NBAS: variants seen among roughly 807,000 people sequenced by gnomAD.
NBAS encodes NAG/BC035112 fusion.
A neutral mutation model predicts 302.5 loss-of-function variants in NBAS; 219 were observed. The observed-to-expected ratio is 0.72, with a 90% CI of 0.65 to 0.81. The LOEUF is 0.81. NBAS is among the 30% of genes least tolerant of loss of function. The pLI is 0.00. For synonymous variants in NBAS, 1,118 were observed against 1,021.6 expected, an observed-to-expected ratio of 1.09 and a Z score of -1.80; for missense variants, 2,932 against 2,841.6, an observed-to-expected ratio of 1.03 and a Z score of -0.72.
intron 1 of NBAS, among the ~76,000 whole-genome samples, chr2:15,559,498 G>T (rs920659048): frequency 6.6e-6 from 1 of 152,218 alleles, no homozygotes; most frequent in Non-Finnish European, 1.5e-5. Context: ...GTCAAGAAAA[G>T]CACAATGGAC....
chr2:15,192,318 T>C (rs1370732151), intron 48 of NBAS, among the ~76,000 whole-genome samples: 3 of 152,006 alleles, frequency 2.0e-5, no homozygotes, highest in Non-Finnish European at 4.4e-5. Flanking sequence ...TAAGTACTTA[T>C]TGAGTGAATT....
At chr2:15,105,623 C>T in the NBAS span, among the ~76,000 whole-genome samples, 1 of 152,020 alleles carries the variant, frequency 6.6e-6, no homozygotes, top group Admixed American at 6.6e-5. Flanking sequence ...CAGAGCTCCC[C>T]GTGTGCCTGA....
intron 9 of NBAS, 118 bp from the exon 10 acceptor site, chr2:15,511,468 T>C (rs1046404943): frequency 1.2e-6 from 1 of 869,348 alleles, no homozygotes; most frequent in Non-Finnish European, 1.8e-6. Flanking sequence ...TTAATATATG[T>C]TAAACCTAGA....
the NBAS span, among the ~76,000 whole-genome samples, chr2:14,998,574 G>A: frequency 1.3e-5 from 2 of 152,184 alleles, no homozygotes; most frequent in Non-Finnish European, 2.9e-5. Context: ...TGTACAAATT[G>A]GGGGAAACAG....
the NBAS span, among the ~76,000 whole-genome samples, chr2:14,830,796 G>T: frequency 7.1e-3 from 1,080 of 152,284 alleles, 21 homozygotes; most frequent in African/African-American, 0.024. Flanking sequence ...AAGGGCTAAG[G>T]TTTAGTTTTT....
At chr2:15,249,042 G>GATGTTTGCC (rs1668236723) in intron 44 of NBAS, among the ~76,000 whole-genome samples, 1 of 152,150 alleles carries the variant, frequency 6.6e-6, no homozygotes, top group Non-Finnish European at 1.5e-5. Flanking sequence ...TATCCCTGAT[G>GATGTTTGCC]AACATCGATG....
At chr2:15,512,852 A>C (rs1239225867) in intron 9 of NBAS, among the ~76,000 whole-genome samples, 1 of 152,170 alleles carries the variant, frequency 6.6e-6, no homozygotes, top group Non-Finnish European at 1.5e-5. Context: ...AGTTTGTGTT[A>C]TGTCACCAAG....
At chr2:15,226,695 CT>C (rs1453432953) in intron 47 of NBAS, among the ~76,000 whole-genome samples, 1 of 152,094 alleles carries the variant, frequency 6.6e-6, no homozygotes, top group Non-Finnish European at 1.5e-5. Flanking sequence ...GGTGGCCTGT[CT>C]AGGTGTTATA....
At chr2:15,283,365 C>G (rs145369641) in intron 42 of NBAS, among the ~76,000 whole-genome samples, 1 of 152,114 alleles carries the variant, frequency 6.6e-6, no homozygotes, top group African/African-American at 2.4e-5. Context: ...ATAATCCCCA[C>G]GTGTTGTGGG....
At chr2:14,995,946 T>C in the NBAS span, among the ~76,000 whole-genome samples, 37 of 151,158 alleles carry the variant, frequency 2.4e-4, no homozygotes, top group African/African-American at 9.0e-4. Flanking sequence ...TGCTCCCCTC[T>C]TCCCCCCAAC....
intron 50 of NBAS, among the ~76,000 whole-genome samples, chr2:15,182,283 C>T (rs1664863800): frequency 6.6e-6 from 1 of 152,200 alleles, no homozygotes; most frequent in Admixed American, 6.5e-5. Flanking sequence ...ATATACTTTG[C>T]TTTGAAATGC....
the NBAS span, among the ~76,000 whole-genome samples, chr2:15,122,010 T>A: frequency 1.3e-5 from 2 of 152,176 alleles, no homozygotes; most frequent in African/African-American, 2.4e-5. Context: ...GTGGTTAAGA[T>A]CTTTTGCTCT....
In NBAS at chr2:15,402,238, T is replaced by C; in HGVS notation, c.3001A>G (p.Thr1001Ala). 1.2e-6 allele frequency: 2 copies of C among 1,613,640 alleles called. No homozygotes were observed. Among genetic ancestry groups the C allele is most frequent in the Non-Finnish European group, 1.7e-6 (2 of 1,179,658 alleles). ...LMAIALECIYTCERNDQLCLC... is the reference protein window; with the variant it reads ...LMAIALECIYACERNDQLCLC... ...CAGAGTTGATCATTTCGTTCACAGG[T>C]ATAGATGCACTCTAGTGCTATTGCC... Residue 1001 changes from threonine (T) to alanine (A), a missense_variant, in exon 26 of 52, where the codon ACC becomes GCC. Coordinates refer to ENST00000281513, the MANE Select transcript of NBAS (RefSeq NM_015909.4).
intron 51 of NBAS, among the ~76,000 whole-genome samples, chr2:15,174,280 C>T (rs1001610405): frequency 6.6e-6 from 1 of 152,338 alleles, no homozygotes; most frequent in South Asian, 2.1e-4. Flanking sequence ...AGCTTGGACA[C>T]TGGCCACTGT....
the NBAS span, among the ~76,000 whole-genome samples, chr2:14,873,106 A>T: frequency 2.6e-5 from 4 of 152,218 alleles, no homozygotes; most frequent in Admixed American, 6.5e-5. Flanking sequence ...CCCCACCCAC[A>T]TCCTGCTGAT....
chr2:15,422,970 A>C (rs1005681244), intron 23 of NBAS, among the ~76,000 whole-genome samples: 1 of 152,222 alleles, frequency 6.6e-6, no homozygotes, highest in African/African-American at 2.4e-5. Flanking sequence ...CAAAACTCCT[A>C]TAACTCATAC....
At position 15,528,885 on chromosome 2, in the gene NBAS, A is replaced by ATATATATATATATGTGTG. The variant is rs1558414807; in HGVS notation, c.746+5640_746+5657dup. 3.4e-3 allele frequency among the ~76,000 whole-genome samples: 423 copies of ATATATATATATATGTGTG among 123,130 alleles called. 4 individuals are homozygous for ATATATATATATATGTGTG. Among genetic ancestry groups the ATATATATATATATGTGTG allele is most frequent in the African/African-American group, 0.013 (408 of 31,626 alleles). The allele number at this position is 123,130 out of a possible 152,430, so 80.8% of individuals were successfully genotyped here. On this transcript the variant is annotated intron_variant, in intron 9 of 51. Coordinates refer to ENST00000281513, the MANE Select transcript of NBAS (RefSeq NM_015909.4). ...CCATCTCAAAAAAAAAAAAATATATATATATATATATATGTGTGTATATAT... is the reference window on the plus strand; with the variant it reads ...CCATCTCAAAAAAAAAAAAATATATATATATATATATATGTGTGTATATATATATATGTGTGTATATAT...
intron 26 of NBAS, among the ~76,000 whole-genome samples, chr2:15,399,127 T>G (rs566428936): frequency 1.3e-5 from 2 of 152,232 alleles, no homozygotes; most frequent in Non-Finnish European, 2.9e-5. Flanking sequence ...AAGCTCTGAT[T>G]GATATTTATG....
chr2:15,276,583 G>T (rs952255146), intron 43 of NBAS, among the ~76,000 whole-genome samples: 3 of 152,126 alleles, frequency 2.0e-5, no homozygotes, highest in African/African-American at 7.2e-5. Context: ...AAAAATCCTG[G>T]AGCAGAAGTC....
Sources: gnomAD v4.1 joint callset for allele counts (sites outside exome capture counted in the v4.1 genomes callset) on GRCh38, gnomAD v4.1.1 for gene constraint, MANE v1.5 for transcripts, NCBI Gene and HGNC (gene_info 2026-07-23, HGNC 2026-07-21) for gene names.